Variants in MTHFD1L observed in about 807,000 individuals in gnomAD.
MTHFD1L encodes the protein methylenetetrahydrofolate dehydrogenase (NADP+ dependent) 1 like.
A neutral mutation model predicts 119.5 loss-of-function variants in MTHFD1L; 81 were observed. The ratio of observed to expected loss-of-function variants is 0.68; its 90% CI spans 0.57 to 0.82. MTHFD1L has a LOEUF of 0.82. MTHFD1L is among the 40% of genes least tolerant of loss of function. MTHFD1L has a pLI of 0.00. For missense variants in MTHFD1L, 1,125 were observed against 1,253.4 expected, an observed-to-expected ratio of 0.90 and a Z score of 1.55; for synonymous variants, 430 against 475.2, an observed-to-expected ratio of 0.90 and a Z score of 1.24.
intron 11 of MTHFD1L, chr6:150,934,908 GAA>G: frequency 6.6e-7 from 1 of 1,509,594 alleles, no homozygotes. Context: ...GCTACCAAGA[GAA>G]ATTCTAAAGC....
chr6:151,079,925 A>T (rs561686381), intron 26 of MTHFD1L, among the ~76,000 whole-genome samples: 48 of 151,958 alleles, frequency 3.2e-4, no homozygotes, highest in Non-Finnish European at 6.0e-4. Flanking sequence ...CTGTAATCCC[A>T]GGACTTTGGA....
At chr6:150,873,439 A>G (rs1779881216) in intron 1 of MTHFD1L, among the ~76,000 whole-genome samples, 1 of 152,112 alleles carries the variant, frequency 6.6e-6, no homozygotes, top group Non-Finnish European at 1.5e-5. Context: ...GGGGCACAGA[A>G]AAAAACAAAC....
At chr6:150,993,243 C>CA (rs1166848093) in intron 20 of MTHFD1L, among the ~76,000 whole-genome samples, 10 of 151,748 alleles carry the variant, frequency 6.6e-5, no homozygotes, top group African/African-American at 2.4e-4. Flanking sequence ...TTTTTTCTTC[C>CA]AAAAAACCAT....
chr6:151,054,641 T>C (rs751989346), intron 26 of MTHFD1L, among the ~76,000 whole-genome samples: 1 of 152,218 alleles, frequency 6.6e-6, no homozygotes, highest in Non-Finnish European at 1.5e-5. Flanking sequence ...TTTTTTCCCC[T>C]GCATCTTCTC....
intron 21 of MTHFD1L, among the ~76,000 whole-genome samples, chr6:151,010,344 G>A (rs746382808): frequency 5.3e-5 from 8 of 152,170 alleles, no homozygotes; most frequent in South Asian, 2.1e-4. Context: ...GTCCCTGAAC[G>A]AAGAACAAGA....
At chr6:150,977,837 C>T (rs1776807334) in intron 20 of MTHFD1L, among the ~76,000 whole-genome samples, 2 of 151,246 alleles carry the variant, frequency 1.3e-5, no homozygotes, top group African/African-American at 4.9e-5. Flanking sequence ...GGATAGACTT[C>T]GATCTACAAC....
chr6:151,085,872 T>C (rs889478123), intron 26 of MTHFD1L, among the ~76,000 whole-genome samples: 5 of 152,006 alleles, frequency 3.3e-5, no homozygotes, highest in Admixed American at 1.3e-4. Context: ...CTGGTGTCCT[T>C]GTAGTAAGCT....
At chr6:150,899,405 A>T (rs1434645551) in intron 7 of MTHFD1L, among the ~76,000 whole-genome samples, 1 of 152,270 alleles carries the variant, frequency 6.6e-6, no homozygotes, top group Non-Finnish European at 1.5e-5. Context: ...AAATTCTCCC[A>T]GGATGAGATC....
At chr6:150,879,302 T>G (rs924031787) in intron 4 of MTHFD1L, among the ~76,000 whole-genome samples, 5 of 151,944 alleles carry the variant, frequency 3.3e-5, no homozygotes, top group African/African-American at 1.2e-4. Context: ...TTTTCTTTCT[T>G]TTTTTTTGAG....
intron 7 of MTHFD1L, among the ~76,000 whole-genome samples, chr6:150,893,261 C>T (rs1373174408): frequency 6.6e-6 from 1 of 152,056 alleles, no homozygotes; most frequent in Non-Finnish European, 1.5e-5. Flanking sequence ...GATGGAGTTT[C>T]GCCATGTTGG....
rs546155768 is a variant in MTHFD1L at position 150,913,184 on chromosome 6, A to G, written c.893-5393A>G. ...CCCAACTAATTTTTTTTTTTGAGGC[A>G]GAGTCTCGCTCCCTCCCCCAGGCTG... On this transcript the variant is annotated intron_variant, in intron 8 of 27. Transcript: ENST00000367321. 2.6e-5 allele frequency among the ~76,000 whole-genome samples: 4 copies of G among 151,540 alleles called. No individual in the cohort carries two copies. The South Asian group carries it at 8.3e-4, about 32-fold the overall frequency.
chr6:150,941,154 G>T (rs150071012), intron 13 of MTHFD1L, among the ~76,000 whole-genome samples: 2 of 152,228 alleles, frequency 1.3e-5, no homozygotes, highest in African/African-American at 4.8e-5. Context: ...ATGGGAAGGA[G>T]CCGGCCTTGT....
At chr6:150,876,327 A>T (rs575621374) in intron 2 of MTHFD1L, among the ~76,000 whole-genome samples, 153 bp downstream of exon 2, 32 of 152,178 alleles carry the variant, frequency 2.1e-4, no homozygotes, top group Non-Finnish European at 4.0e-4. Context: ...CTTTGGGGTC[A>T]CGGGTGAAGT....
intron 26 of MTHFD1L, among the ~76,000 whole-genome samples, chr6:151,091,491 G>A (rs77547406): frequency 6.6e-6 from 1 of 151,990 alleles, no homozygotes; most frequent in Non-Finnish European, 1.5e-5. Flanking sequence ...GAGAGTGTGC[G>A]GTTTGAAGAT....
chr6:151,000,745 A>G (rs559776650), intron 20 of MTHFD1L, among the ~76,000 whole-genome samples: 8 of 152,190 alleles, frequency 5.3e-5, no homozygotes, highest in Non-Finnish European at 1.2e-4. Context: ...ACTTTTTTTG[A>G]GTTTATCTGC....
chr6:151,052,876 T>G (rs1789278385), intron 26 of MTHFD1L, among the ~76,000 whole-genome samples: 1 of 152,140 alleles, frequency 6.6e-6, no homozygotes, highest in Non-Finnish European at 1.5e-5. Flanking sequence ...GATCTTGTCC[T>G]AGGTAACCAA....
chr6:150,978,654 C>T (rs77287294), intron 20 of MTHFD1L, among the ~76,000 whole-genome samples: 118 of 152,242 alleles, frequency 7.8e-4, no homozygotes, highest in African/African-American at 2.8e-3. Flanking sequence ...TCATTAAAAA[C>T]GCCCCCGTTT....
chr6:150,968,690 T>C (rs1460590287), intron 19 of MTHFD1L, among the ~76,000 whole-genome samples: 3 of 151,054 alleles, frequency 2.0e-5, no homozygotes, highest in Non-Finnish European at 4.4e-5. Context: ...TTGTATTTTT[T>C]TTTTAAGTAG....
At chr6:151,032,340 A>G (rs1785455090) in intron 24 of MTHFD1L, among the ~76,000 whole-genome samples, 1 of 151,786 alleles carries the variant, frequency 6.6e-6, no homozygotes, top group Admixed American at 6.6e-5. Flanking sequence ...AGGCGGGGGG[A>G]GCCAGTGCAT....
Sources: gnomAD v4.1 joint callset for allele counts (sites outside exome capture counted in the v4.1 genomes callset) on GRCh38, gnomAD v4.1.1 for gene constraint, MANE v1.5 for transcripts, NCBI Gene and HGNC (gene_info 2026-07-23, HGNC 2026-07-21) for gene names.